KRI1: variants seen among roughly 807,000 people sequenced by gnomAD.
KRI1 encodes the protein KRI1 homolog, also known as protein KRI1 homolog.
KRI1 carries 83 observed loss-of-function variants against 97.0 expected under a neutral mutation model. The observed-to-expected ratio is 0.86, with a 90% confidence interval of 0.72 to 1.03. The LOEUF (loss-of-function observed/expected upper bound fraction) is 1.03, where lower values mean the gene tolerates loss of function less well. Among genes scored for constraint, KRI1 ranks in the 50% least tolerant of loss-of-function variants. The pLI, the probability that KRI1 is intolerant of heterozygous loss-of-function variation, is 0.00. For missense variants in KRI1, 916 were observed against 928.4 expected, an observed-to-expected ratio of 0.99 and a Z score of 0.17; for synonymous variants, 371 against 363.5, an observed-to-expected ratio of 1.02 and a Z score of -0.23.
chr19:10,562,954 T>G, intron 3 of KRI1, 117 bp from the exon 4 acceptor site: 1 of 686,016 alleles, frequency 1.5e-6, no homozygotes, highest in Non-Finnish European at 2.7e-6. Context: ...AATCCACCAA[T>G]TCCCAGCTGT....
rs756753825 is a variant in KRI1, at chr19:10,559,626, T to C, written c.1010A>G (p.Glu337Gly). The stretch of plus-strand genomic sequence containing the variant: ...CCCCACACTCACCCTCTTCTTTCGC[T>C]CCCGAGTCTCTTCCCTCTTCTCCTT... The part of the protein sequence containing the change: ...RRKEKREETR[E>G]RKKREKAKKQ... The change falls in exon 11 of 19, where the codon GAG (glutamate) becomes GGG (glycine). Residue 337 changes from glutamate (E) to glycine (G), a missense_variant. Coordinates refer to ENST00000312962, the MANE Select transcript of KRI1 (RefSeq NM_023008.5). 4.3e-6 allele frequency: 7 copies of C among 1,613,936 alleles called. No homozygotes were observed. In the Admixed American group the frequency reaches 1.2e-4, roughly 27 times the overall value.
chr19:10,561,132 C>T, intron 7 of KRI1, 37 bp downstream of exon 7: 1 of 1,613,060 alleles, frequency 6.2e-7, no homozygotes. Context: ...ACCCGCCACC[C>T]TGTCCCCCAG....
Position 10,558,017 on chromosome 19 carries a change from T to C in KRI1, c.1314A>G (p.Gly438=). ...WDTWDGPEQE[G]DWSQQELHCE... The stretch of plus-strand genomic sequence containing the variant: ...AGTGCAGCTCCTGCTGGCTCCAGTC[T>C]CCCTCCTGCTCAGGCCCGTCCCACG... The change falls in exon 14 of 19, where the codon GGA becomes GGG. Residue 438 remains glycine, a synonymous_variant. Coordinates refer to ENST00000312962, the MANE Select transcript of KRI1 (RefSeq NM_023008.5). 2 of 1,613,992 alleles carry C rather than the reference T, an allele frequency of 1.2e-6. No individual in the cohort carries two copies. The highest frequency in any genetic ancestry group is 1.7e-6 in the Non-Finnish European group (2 of 1,179,988).
intron 18 of KRI1, 121 bp from the exon 19 acceptor site, chr19:10,554,402 C>T (rs528923739): frequency 3.2e-5 from 26 of 823,584 alleles, no homozygotes; most frequent in South Asian, 1.8e-4. Flanking sequence ...GCACAGCGAC[C>T]GAGGGCCTGC....
chr19:10,557,287 A>G (rs1352432320), intron 16 of KRI1, among the ~76,000 whole-genome samples: 1 of 151,754 alleles, frequency 6.6e-6, no homozygotes, highest in Non-Finnish European at 1.5e-5. Context: ...TTGTATTTTT[A>G]GTAGAGACGG....
At position 10,557,822 on chromosome 19, in the gene KRI1, C is replaced by T. The variant is rs1420809267; in HGVS notation, c.1433G>A (p.Arg478His). The T allele has an allele frequency of 6.2e-6, 10 of 1,613,330 alleles. No individual in the cohort carries two copies. The highest frequency in any genetic ancestry group is 4.5e-5 in the East Asian group (2 of 44,890). Residue 478 changes from arginine to histidine, a missense_variant, in exon 15 of 19, where the codon CGC becomes CAC. Transcript: ENST00000312962. ...CACGGCCGCGGCGAAGGGCGACTTG[C>T]GCTTCTTCTTGCCCGTCAAGGGGGC... ...REAPLTGKKKRKSPFAAAVGQ... is the reference protein window; with the variant it reads ...REAPLTGKKKHKSPFAAAVGQ...
intron 8 of KRI1, among the ~76,000 whole-genome samples, chr19:10,560,740 AT>A (rs965068840): frequency 4.0e-5 from 6 of 151,736 alleles, no homozygotes; most frequent in African/African-American, 1.5e-4. Context: ...TAATTTTTTC[AT>A]TTTTTTGTAG....
rs753782223 is a variant in KRI1 at position 10,559,705 on chromosome 19, T to C, written c.931A>G (p.Lys311Glu). Residue 311 changes from lysine to glutamate, a missense_variant, in exon 11 of 19, where the codon AAG (lysine) becomes GAG (glutamate). Lys to Glu is a moderately conservative substitution (Grantham distance 56, BLOSUM62 1). Coordinates refer to ENST00000312962, the MANE Select transcript of KRI1 (RefSeq NM_023008.5). Reference protein sequence around the residue: ...RFEEPDSASVKTYPRSIASSV... With the variant: ...RFEEPDSASVETYPRSIASSV... ...GACGCGATGCTGCGTGGGTAGGTCT[T>C]GACCTAGGCGCAATCAGAAAAGCCC... is the stretch of plus-strand genomic sequence containing the variant. 18 of 1,613,900 alleles carry C rather than the reference T, an allele frequency of 1.1e-5. No individual in the cohort carries two copies. Among genetic ancestry groups the C allele is most frequent in the South Asian group, 8.8e-5 (8 of 91,082 alleles).
At chr19:10,558,502 G>A (rs552042824) in intron 12 of KRI1, among the ~76,000 whole-genome samples, 4 of 150,440 alleles carry the variant, frequency 2.7e-5, no homozygotes, top group South Asian at 2.1e-4. Flanking sequence ...ACCCACCTTC[G>A]CCCCTGTGGT....
intron 3 of KRI1, 147 bp downstream of exon 3, chr19:10,564,782 T>G: frequency 1.4e-6 from 1 of 695,310 alleles, no homozygotes; most frequent in Non-Finnish European, 2.6e-6. Flanking sequence ...AAAACAGCCC[T>G]GAGGGGAGAT....
chr19:10,563,943 A>C (rs1317822434), intron 3 of KRI1, among the ~76,000 whole-genome samples: 1 of 151,710 alleles, frequency 6.6e-6, no homozygotes, highest in Non-Finnish European at 1.5e-5. Flanking sequence ...CAGGAGTTCG[A>C]GACCAGCCTG....
At chr19:10,565,465 T>TG in intron 2 of KRI1, 1 of 501,920 alleles carries the variant, frequency 2.0e-6, no homozygotes. Context: ...GGGGGGTTCT[T>TG]GGGGGACAGA....
chr19:10,558,946 C>G (rs1916605009), intron 12 of KRI1, among the ~76,000 whole-genome samples: 1 of 151,770 alleles, frequency 6.6e-6, no homozygotes, highest in Non-Finnish European at 1.5e-5. Context: ...ACCTCGTGAT[C>G]CGCCTGCCTC....
rs556597221 is a variant in KRI1, at chr19:10,553,726, TCAC to T, written c.*222_*224del. The T allele has an allele frequency of 6.4e-4, 338 of 524,716 alleles. 1 individual carries two copies. The highest frequency in any genetic ancestry group is 6.1e-3 in the African/African-American group (315 of 52,040). 32.5% of individuals were successfully genotyped at this position (524,716 alleles called of 1,614,324 possible). A position where few individuals can be genotyped will look rare whatever the true frequency, so the allele number is the denominator to read the frequency against. On this transcript the variant is annotated 3_prime_UTR_variant, in exon 19 of 19. Transcript: ENST00000312962. ...GAGTAGCTGGGACTACAGGCATGTG[TCAC>T]CACATTTTGTAGAGATGGAGTCTCG...
In KRI1 at chr19:10,553,231, CAGAGCCCAT is replaced by C; in HGVS notation, c.*711_*719del. On this transcript the variant is annotated 3_prime_UTR_variant, in exon 19 of 19. Transcript: ENST00000312962. ...GCCATTCAGCCAGGGACAGAGCCCA[CAGAGCCCAT>C]ACACCTGTCTCCCACCAGCGGGGCC... is the stretch of plus-strand genomic sequence containing the variant. The C allele has an allele frequency of 1.1e-6, 1 of 910,660 alleles. No individual in the cohort carries two copies. The highest frequency in any genetic ancestry group is 1.6e-6 in the Non-Finnish European group (1 of 626,414). The allele number at this position is 910,660 out of a possible 1,614,324, so 56.4% of individuals were successfully genotyped here. A position where few individuals can be genotyped will look rare whatever the true frequency, so the allele number is the denominator to read the frequency against.
chr19:10,554,129 G>C lies in KRI1; in HGVS notation c.1934C>G (p.Ala645Gly). ...CTTGGCCCTCCTCCGCTTCTGGGGGGCTGGCTTCTTGTGGGGTGATACAGG... is the reference window on the plus strand; with the variant it reads ...CTTGGCCCTCCTCCGCTTCTGGGGGCCTGGCTTCTTGTGGGGTGATACAGG... ...EAPVSPHKKP[A>G]PQKRRRAKKA... Residue 645 changes from alanine (A) to glycine (G), a missense_variant, in exon 19 of 19, where the codon GCC becomes GGC. This residue lies in a region of KRI1 where 672 missense variants were observed against 667.2 expected (regional missense o/e 1.01). Transcript: ENST00000312962. 6.2e-7 allele frequency: 1 copy of C among 1,614,136 alleles called. No individual in the cohort carries two copies. The highest frequency in any genetic ancestry group is 8.5e-7 in the Non-Finnish European group (1 of 1,180,036).
intron 18 of KRI1, 63 bp downstream of exon 18, chr19:10,555,024 C>A: frequency 7.3e-7 from 1 of 1,378,300 alleles, no homozygotes; most frequent in Non-Finnish European, 1.0e-6. Flanking sequence ...GTTGACGGAG[C>A]CAAGACTCAA....
Position 10,553,103 on chromosome 19 carries a change from A to T in KRI1, c.*848T>A. 1.3e-6 allele frequency: 2 copies of T among 1,548,378 alleles called. No homozygotes were observed. Among genetic ancestry groups the T allele is most frequent in the South Asian group, 2.3e-5 (2 of 87,164 alleles). On this transcript the variant is annotated 3_prime_UTR_variant, in exon 19 of 19. Transcript: ENST00000312962. ...TGAGGGGAAAGATACAACACTATTT[A>T]TTTTTTTATTTATGTCATGTCGGGT...
At chr19:10,554,674 G>T (rs993687294) in intron 18 of KRI1, among the ~76,000 whole-genome samples, 1 of 152,126 alleles carries the variant, frequency 6.6e-6, no homozygotes, top group African/African-American at 2.4e-5. Flanking sequence ...GTCTCCCAAA[G>T]TGCTGGGATT....
Sources: gnomAD v4.1 joint callset for allele counts (sites outside exome capture counted in the v4.1 genomes callset) on GRCh38, gnomAD v4.1.1 for gene constraint, gnomAD v4.1.1 regional missense constraint, MANE v1.5 for transcripts, NCBI Gene and HGNC (gene_info 2026-07-23, HGNC 2026-07-21) for gene names.